The following RANBP2 variants were observed in gnomAD, a reference collection of about 807,000 sequenced individuals.
RANBP2 encodes the protein E3 SUMO-protein ligase RanBP2.
A neutral mutation model predicts 303.6 loss-of-function variants in RANBP2; 57 were observed. That is an observed-to-expected ratio of 0.19 (90% CI 0.15 to 0.23). The LOEUF (loss-of-function observed/expected upper bound fraction) is 0.23. RANBP2 is among the 10% of genes least tolerant of loss of function. RANBP2 has a pLI of 1.00. For synonymous variants in RANBP2, 1,167 were observed against 1,301.5 expected (o/e 0.90, Z 2.23); for missense variants, 3,138 against 3,780.8 (o/e 0.83, Z 4.46).
At chr2:108,972,596 G>T in the RANBP2 span, among the ~76,000 whole-genome samples, 3 of 152,396 alleles carry the variant, frequency 2.0e-5, no homozygotes, top group South Asian at 6.2e-4. Flanking sequence ...TGCACGCCAA[G>T]TGTTGGTAAA....
chr2:109,054,365 T>G, the RANBP2 span, among the ~76,000 whole-genome samples: 1 of 152,326 alleles, frequency 6.6e-6, no homozygotes, highest in Admixed American at 6.5e-5. Flanking sequence ...CTTTGTTTTT[T>G]TAAATTGGAG....
the RANBP2 span, among the ~76,000 whole-genome samples, chr2:109,317,369 T>C: frequency 1.3e-5 from 2 of 151,380 alleles, no homozygotes; most frequent in East Asian, 3.9e-4. Flanking sequence ...CCCCAGGGGG[T>C]GGAGGAGAGT....
At chr2:108,750,704 C>T (rs1675815187) in intron 9 of RANBP2, among the ~76,000 whole-genome samples, 1 of 152,120 alleles carries the variant, frequency 6.6e-6, no homozygotes, top group Admixed American at 6.6e-5. Flanking sequence ...TGTCTTGCCT[C>T]AGCCTCCCAA....
chr2:109,142,044 G>GGC, the RANBP2 span, among the ~76,000 whole-genome samples: 2 of 43,012 alleles, frequency 4.6e-5, no homozygotes, highest in Non-Finnish European at 1.5e-4. Context: ...TGAGTCTCCT[G>GGC]GGGGGGGGGT....
the RANBP2 span, among the ~76,000 whole-genome samples, chr2:109,041,668 C>A: frequency 6.7e-6 from 1 of 149,536 alleles, no homozygotes; most frequent in African/African-American, 2.5e-5. Flanking sequence ...ACTACAGGTG[C>A]CCGCCACCAT....
At chr2:109,428,908 C>A in the RANBP2 span, among the ~76,000 whole-genome samples, 5 of 152,158 alleles carry the variant, frequency 3.3e-5, no homozygotes, top group Admixed American at 3.3e-4. Context: ...CTGCCCGGTT[C>A]TCCCTGCCAT....
chr2:108,999,345 A>T, the RANBP2 span, among the ~76,000 whole-genome samples: 1 of 152,206 alleles, frequency 6.6e-6, no homozygotes, highest in African/African-American at 2.4e-5. Flanking sequence ...AATTACGCTT[A>T]TCTCTTTCAT....
At chr2:109,206,236 A>T in the RANBP2 span, among the ~76,000 whole-genome samples, 1 of 152,110 alleles carries the variant, frequency 6.6e-6, no homozygotes, top group African/African-American at 2.4e-5. Flanking sequence ...CACGCCTGTA[A>T]TCCCAGCACT....
chr2:109,026,317 T>C, the RANBP2 span, among the ~76,000 whole-genome samples: 1 of 149,844 alleles, frequency 6.7e-6, no homozygotes, highest in Admixed American at 6.7e-5. Context: ...TTTTAAGAGA[T>C]GGGGTCTTGC....
intron 6 of RANBP2, among the ~76,000 whole-genome samples, chr2:108,738,174 CA>C (rs1695774745): frequency 6.6e-6 from 1 of 152,056 alleles, no homozygotes; most frequent in South Asian, 2.1e-4. Context: ...TTCCAGGGTT[CA>C]CGCCATTCTC....
chr2:109,311,469 C>T, the RANBP2 span, among the ~76,000 whole-genome samples: 19 of 148,494 alleles, frequency 1.3e-4, no homozygotes, highest in African/African-American at 4.8e-4. Flanking sequence ...TCCTATTCAA[C>T]ATAGTGTTGG....
chr2:109,099,191 TAAG>T, the RANBP2 span, among the ~76,000 whole-genome samples: 5 of 152,190 alleles, frequency 3.3e-5, no homozygotes, highest in East Asian at 7.7e-4. Flanking sequence ...TGTGCATAGT[TAAG>T]AACACATGCG....
At chr2:109,495,477 CTTTTTTTTTTTT>C in the RANBP2 span, among the ~76,000 whole-genome samples, 4,440 of 94,028 alleles carry the variant, frequency 0.047, 73 homozygotes, top group Non-Finnish European at 0.069. Context: ...TCTTTCATTC[CTTTTTTTTTTTT>C]TTTTTTTTTT....
chr2:108,735,562 G>A lies in RANBP2; in HGVS notation c.436G>A (p.Gly146Arg), dbSNP rs1695509415. ...GCTTCTAGATTGTGAAGGTGAAGAT[G>A]GATGGAATAAACTTTTTGACTTGAT... ...EQLLDCEGED[G>R]WNKLFDLIQS... Residue 146 changes from glycine to arginine, a missense_variant, in exon 5 of 29, where the codon GGA (glycine) becomes AGA (arginine). Transcript: ENST00000283195. 5.0e-6 allele frequency: 8 copies of A among 1,597,552 alleles called. No homozygotes were observed. The highest frequency in any genetic ancestry group is 4.2e-6 in the Non-Finnish European group (5 of 1,179,774).
At chr2:109,283,351 G>A in the RANBP2 span, among the ~76,000 whole-genome samples, 1 of 152,174 alleles carries the variant, frequency 6.6e-6, no homozygotes, top group East Asian at 1.9e-4. Flanking sequence ...CCACCCCATT[G>A]CCAGCCTCTG....
chr2:109,192,524 GATTTGGTAATTTCT>G, the RANBP2 span, among the ~76,000 whole-genome samples: 1 of 152,154 alleles, frequency 6.6e-6, no homozygotes, highest in Non-Finnish European at 1.5e-5. Context: ...TTCTTATAGA[GATTTGGTAATTTCT>G]ATGCCTGTGC....
the RANBP2 span, among the ~76,000 whole-genome samples, chr2:109,521,634 C>G: frequency 1.3e-5 from 2 of 152,172 alleles, no homozygotes; most frequent in Non-Finnish European, 2.9e-5. Context: ...TTATTTCCAC[C>G]CCTTTATTTG....
the RANBP2 span, among the ~76,000 whole-genome samples, chr2:109,558,113 A>C: frequency 1.8e-3 from 267 of 152,334 alleles, 1 homozygote; most frequent in South Asian, 0.022. Context: ...TTTAATGCCA[A>C]CATACTACTG....
At chr2:108,980,670 C>T in the RANBP2 span, among the ~76,000 whole-genome samples, 2 of 152,028 alleles carry the variant, frequency 1.3e-5, no homozygotes, top group African/African-American at 2.4e-5. Context: ...GATAAGACGA[C>T]GTGTTAGCAT....
Sources: gnomAD v4.1 joint callset for allele counts (sites outside exome capture counted in the v4.1 genomes callset) on GRCh38, gnomAD v4.1.1 for gene constraint, MANE v1.5 for transcripts, NCBI Gene and HGNC (gene_info 2026-07-23, HGNC 2026-07-21) for gene names.